ROBO1: variants seen among roughly 807,000 people sequenced by gnomAD.
The protein encoded by ROBO1 is roundabout homolog 1.
Under a neutral mutation model 195.9 loss-of-function variants are expected in ROBO1, and 149 were observed. The ratio of observed to expected loss-of-function variants is 0.76; its 90% CI spans 0.67 to 0.87. The LOEUF is 0.87. Ranked by LOEUF, ROBO1 falls within the 40% of genes least tolerant of loss-of-function variation. The probability of loss-of-function intolerance (pLI) is 0.00; values close to 1 mark genes in which losing one functional copy is unlikely to be tolerated. For synonymous variants in ROBO1, 816 were observed against 733.2 expected, an observed-to-expected ratio of 1.11 and a Z score of -1.82; for missense variants, 1,933 against 2,068.3, an observed-to-expected ratio of 0.93 and a Z score of 1.27.
At chr3:78,864,971 C>CT (rs562710368) in intron 4 of ROBO1, among the ~76,000 whole-genome samples, 14 of 152,216 alleles carry the variant, frequency 9.2e-5, no homozygotes, top group African/African-American at 2.6e-4. Context: ...TTGATCGCTA[C>CT]TTTTTTGTAT....
chr3:78,891,650 G>A (rs960850922), intron 4 of ROBO1, among the ~76,000 whole-genome samples: 3 of 152,152 alleles, frequency 2.0e-5, no homozygotes, highest in Admixed American at 6.5e-5. Context: ...TAATGTGTTA[G>A]CAACATATTC....
At chr3:79,747,089 A>G (rs17017103) in intron 1 of ROBO1, among the ~76,000 whole-genome samples, 3 of 151,932 alleles carry the variant, frequency 2.0e-5, no homozygotes, top group Non-Finnish European at 1.5e-5. Flanking sequence ...ATATAAACTC[A>G]CTTTCATTCT....
intron 2 of ROBO1, among the ~76,000 whole-genome samples, chr3:79,208,497 A>G (rs530310912): frequency 1.3e-5 from 2 of 152,348 alleles, no homozygotes; most frequent in African/African-American, 4.8e-5. Context: ...AAAAGGACAC[A>G]TGACTTGAGA....
intron 4 of ROBO1, among the ~76,000 whole-genome samples, chr3:78,838,711 C>T (rs969719214): frequency 2.0e-5 from 3 of 152,148 alleles, no homozygotes; most frequent in South Asian, 2.1e-4. Context: ...CCCCGCCCTA[C>T]CTCCAACAAT....
intron 1 of ROBO1, among the ~76,000 whole-genome samples, chr3:79,712,348 G>T (rs1035764412): frequency 1.3e-5 from 2 of 152,228 alleles, no homozygotes; most frequent in Middle Eastern, 6.8e-3. Flanking sequence ...CAGCCTTATT[G>T]CTGATATGGA....
intron 2 of ROBO1, among the ~76,000 whole-genome samples, chr3:79,391,857 A>G (rs1227066356): frequency 6.6e-6 from 1 of 152,304 alleles, no homozygotes; most frequent in Non-Finnish European, 1.5e-5. Flanking sequence ...AGTTCTTATG[A>G]TAAGATGAAA....
chr3:79,413,698 T>G (rs2106877498), intron 2 of ROBO1, among the ~76,000 whole-genome samples: 1 of 152,308 alleles, frequency 6.6e-6, no homozygotes, highest in Admixed American at 6.5e-5. Context: ...GTTTCCAACT[T>G]GTATTTTGCC....
intron 2 of ROBO1, among the ~76,000 whole-genome samples, chr3:79,372,814 C>A (rs932157191): frequency 6.6e-6 from 1 of 151,756 alleles, no homozygotes; most frequent in African/African-American, 2.4e-5. Context: ...TATCATATAA[C>A]ATGTAAAACA....
intron 4 of ROBO1, among the ~76,000 whole-genome samples, chr3:78,764,554 G>T (rs988017615): frequency 6.6e-6 from 1 of 152,030 alleles, no homozygotes; most frequent in African/African-American, 2.4e-5. Context: ...ACTGTGGAGC[G>T]GCTGCTTATC....
intron 1 of ROBO1, among the ~76,000 whole-genome samples, chr3:79,725,827 T>C (rs1702899362): frequency 6.6e-6 from 1 of 152,102 alleles, no homozygotes; most frequent in Admixed American, 6.6e-5. Flanking sequence ...AGTGCTTCTG[T>C]TCCTATACCA....
intron 4 of ROBO1, among the ~76,000 whole-genome samples, chr3:78,921,063 G>T (rs1054231109): frequency 6.6e-6 from 1 of 152,108 alleles, no homozygotes; most frequent in African/African-American, 2.4e-5. Context: ...TCACTGAATT[G>T]TTCTGAGGAT....
intron 3 of ROBO1, among the ~76,000 whole-genome samples, chr3:78,953,513 C>A (rs754111810): frequency 6.6e-6 from 1 of 151,910 alleles, no homozygotes; most frequent in Non-Finnish European, 1.5e-5. Flanking sequence ...GAAATAGAAT[C>A]CCTGATCTTA....
chr3:78,820,530 A>T (rs551421828), intron 4 of ROBO1, among the ~76,000 whole-genome samples: 1 of 152,300 alleles, frequency 6.6e-6, no homozygotes, highest in Admixed American at 6.5e-5. Context: ...TAAGAGACCA[A>T]AGTAGCTACT....
chr3:79,129,636 G>A (rs1010461392), intron 2 of ROBO1, among the ~76,000 whole-genome samples: 3 of 151,802 alleles, frequency 2.0e-5, no homozygotes, highest in Non-Finnish European at 2.9e-5. Context: ...TTTTTTAATT[G>A]ACAAATTTAA....
chr3:79,108,194 T>C (rs1374119009), intron 3 of ROBO1, among the ~76,000 whole-genome samples: 2 of 151,690 alleles, frequency 1.3e-5, no homozygotes, highest in Non-Finnish European at 3.0e-5. Flanking sequence ...CCTTGATACA[T>C]AGAAAGTACC....
At position 78,627,316 on chromosome 3, in the gene ROBO1, C is replaced by T. The variant is rs776685704; in HGVS notation, c.3875+5G>A. 5.4e-5 allele frequency: 87 copies of T among 1,610,976 alleles called. No homozygotes were observed. Among genetic ancestry groups the T allele is most frequent in the Admixed American group, 1.3e-4 (8 of 59,684 alleles). On this transcript the variant is annotated splice_donor_5th_base_variant and intron_variant, in intron 26 of 30. Transcript: ENST00000464233. ...TGTTAGCAAAGAAGGCTAGTGACAA[C>T]ATACCTCCTGTCGGGCTGGTGCTGC...
In ROBO1 at chr3:79,068,096, A is replaced by G. The variant is rs145059029; in HGVS notation, c.172+57360T>C. ...TTTATAAGCTAATTTAGAAAGCCCT[A>G]TGTTATTGGCCACATGAACAATCCC... is the stretch of plus-strand genomic sequence containing the variant. On this transcript the variant is annotated intron_variant, in intron 3 of 30. Transcript: ENST00000464233. Among the ~76,000 whole-genome samples, 87 of 152,056 alleles carry G rather than the reference A, an allele frequency of 5.7e-4. 1 individual carries two copies. Among genetic ancestry groups the G allele is most frequent in the African/African-American group, 1.9e-3 (81 of 41,542 alleles).
intron 4 of ROBO1, among the ~76,000 whole-genome samples, chr3:78,776,239 CTTATTTATTTATTTAT>C (rs4055619): frequency 6.6e-6 from 1 of 150,748 alleles, no homozygotes; most frequent in Non-Finnish European, 1.5e-5. Context: ...TGAAGAAATT[CTTATTTATTTATTTAT>C]TTATTTATTT....
At chr3:79,583,316 A>G (rs1394854933) in intron 2 of ROBO1, among the ~76,000 whole-genome samples, 2 of 152,126 alleles carry the variant, frequency 1.3e-5, no homozygotes, top group African/African-American at 4.8e-5. Context: ...TGACTCTTAC[A>G]TATGCCATAA....
Sources: allele counts gnomAD v4.1 joint callset (sites outside exome capture counted in the v4.1 genomes callset), GRCh38; gene constraint gnomAD v4.1.1; transcripts MANE v1.5; gene names NCBI Gene and HGNC (gene_info 2026-07-23, HGNC 2026-07-21).